RYR2: variants seen among roughly 807,000 people sequenced by gnomAD.
The protein encoded by RYR2 is cardiac muscle ryanodine receptor-calcium release channel.
Under a neutral mutation model 601.1 loss-of-function variants are expected in RYR2, and 227 were observed. That is an observed-to-expected ratio of 0.38 (90% CI 0.34 to 0.42). RYR2 has a LOEUF of 0.42. Ranked by LOEUF, RYR2 falls within the 10% of genes least tolerant of loss-of-function variation. RYR2 has a pLI of 1.00. For missense variants in RYR2, 4,646 were observed against 6,156.5 expected (o/e 0.75, Z 8.21); for synonymous variants, 2,223 against 2,175.1 (o/e 1.02, Z -0.61).
intron 28 of RYR2, 147 bp from the exon 29 acceptor site, chr1:237,568,998 A>T (rs555353166): frequency 1.8e-6 from 1 of 549,836 alleles, no homozygotes; most frequent in East Asian, 2.9e-5. Flanking sequence ...TTTGCTTAGG[A>T]CATTGCAGTA....
In RYR2 at chr1:237,833,480, A is replaced by T. The variant is rs1664050635; in HGVS notation, c.*833A>T. On this transcript the variant is annotated 3_prime_UTR_variant, in exon 105 of 105. Coordinates refer to ENST00000366574, the MANE Select transcript of RYR2 (RefSeq NM_001035.3). The stretch of plus-strand genomic sequence containing the variant: ...CTGCAAAAAATACACTTTCAAAAGA[A>T]ACCATTCATTGCATGTTTATTATGC... The T allele has an allele frequency of 6.6e-6, 1 of 152,492 alleles. No homozygotes were observed. The highest frequency in any genetic ancestry group is 1.5e-5 in the Non-Finnish European group (1 of 68,040). The allele number at this position is 152,492 out of a possible 1,614,324, so 9.4% of individuals were successfully genotyped here.
chr1:237,810,775 A>T (rs1381710708), intron 100 of RYR2, among the ~76,000 whole-genome samples: 1 of 152,106 alleles, frequency 6.6e-6, no homozygotes, highest in Non-Finnish European at 1.5e-5. Context: ...AATGAGAGAA[A>T]TTCATGTATA....
At chr1:237,650,159 CTT>C (rs958066862) in intron 50 of RYR2, 62 bp downstream of exon 50, 1 of 1,438,580 alleles carries the variant, frequency 7.0e-7, no homozygotes, top group African/African-American at 1.4e-5. Context: ...ACAATGTGGC[CTT>C]TGACAAATTA....
chr1:237,317,988 T>C (rs1695273389), intron 2 of RYR2, among the ~76,000 whole-genome samples: 1 of 152,168 alleles, frequency 6.6e-6, no homozygotes, highest in Non-Finnish European at 1.5e-5. Context: ...TGCCATGTTG[T>C]TTTTTCATAT....
intron 35 of RYR2, among the ~76,000 whole-genome samples, chr1:237,607,794 G>C (rs765031675): frequency 6.6e-6 from 1 of 152,180 alleles, no homozygotes; most frequent in African/African-American, 2.4e-5. Flanking sequence ...GCACACATTG[G>C]AGTGAATAGA....
intron 1 of RYR2, among the ~76,000 whole-genome samples, chr1:237,050,329 T>C (rs1217949166): frequency 6.6e-6 from 1 of 152,194 alleles, no homozygotes; most frequent in East Asian, 1.9e-4. Context: ...ACTCAGAGGC[T>C]GGCAGGGCCT....
At chr1:237,245,587 C>T (rs1392738354) in intron 1 of RYR2, among the ~76,000 whole-genome samples, 1 of 151,996 alleles carries the variant, frequency 6.6e-6, no homozygotes. Context: ...AAGTTGTCAA[C>T]CGTGTATCAA....
chr1:237,583,002 A>G (rs142464452), intron 29 of RYR2, among the ~76,000 whole-genome samples: 3,223 of 151,962 alleles, frequency 0.021, 58 homozygotes, highest in Middle Eastern at 0.068. Context: ...AGAAATCTCC[A>G]AACTGCTTTC....
At chr1:237,821,174 A>G (rs1342766912) in intron 101 of RYR2, among the ~76,000 whole-genome samples, 1 of 152,136 alleles carries the variant, frequency 6.6e-6, no homozygotes, top group African/African-American at 2.4e-5. Context: ...TTCGAGCTCT[A>G]ATAAGGGAAA....
intron 1 of RYR2, among the ~76,000 whole-genome samples, chr1:237,257,030 A>C (rs1688057990): frequency 6.6e-6 from 1 of 152,178 alleles, no homozygotes; most frequent in Admixed American, 6.5e-5. Context: ...CATTGACACT[A>C]TTCAGGGTGC....
intron 1 of RYR2, among the ~76,000 whole-genome samples, chr1:237,108,176 G>A (rs1036217016): frequency 1.3e-5 from 2 of 152,098 alleles, no homozygotes; most frequent in Admixed American, 6.5e-5. Flanking sequence ...TGGGCTCCTT[G>A]CCTAAGCATC....
chr1:237,590,779 A>G lies in RYR2; in HGVS notation c.3947A>G (p.Lys1316Arg). ...MPIECAEVFS[K>R]TVAGGLPGAG... is the part of the protein sequence containing the mutation. ...ATCGAGTGCGCGGAGGTCTTCTCCA[A>G]GACGGTGGCTGGAGGGCTCCCTGGG... The change falls in exon 31 of 105, where the codon AAG becomes AGG. Residue 1316 changes from lysine to arginine, a missense_variant. Physicochemically the swap from Lys to Arg is conservative, Grantham distance 26. Transcript: ENST00000366574. 7.4e-6 allele frequency: 12 copies of G among 1,613,964 alleles called. No homozygotes were observed. Among genetic ancestry groups the G allele is most frequent in the Non-Finnish European group, 9.3e-6 (11 of 1,179,868 alleles).
chr1:237,698,997 C>T lies in RYR2; in HGVS notation c.9100C>T (p.His3034Tyr). The T allele has an allele frequency of 6.4e-7, 1 of 1,555,854 alleles. No individual in the cohort carries two copies. Among genetic ancestry groups the T allele is most frequent in the Non-Finnish European group, 8.7e-7 (1 of 1,145,312 alleles). ...NDATSIVNCLHILGQTLDART... is the reference protein window; with the variant it reads ...NDATSIVNCLYILGQTLDART... ...TGCAACATCAATTGTCAACTGTCTT[C>T]ATATTTTGGGTCAGACTTTGGATGC... The change falls in exon 64 of 105, where the codon CAT becomes TAT. Residue 3034 changes from histidine (H) to tyrosine (Y), a missense_variant. By Grantham distance (83) the His-to-Tyr change is moderately conservative. Coordinates refer to ENST00000366574, the MANE Select transcript of RYR2 (RefSeq NM_001035.3).
In RYR2 at chr1:237,759,791, C is replaced by T. The variant is rs759581727; in HGVS notation, c.11341C>T (p.Leu3781Phe). 1.2e-6 allele frequency: 2 copies of T among 1,612,036 alleles called. No individual in the cohort carries two copies. The highest frequency in any genetic ancestry group is 1.7e-6 in the Non-Finnish European group (2 of 1,178,306). ...STVQQKMLDY[L>F]KEKKDVGFFQ... ...ATTCCCATAGAAAATGCTTGACTAC[C>T]TCAAGGAGAAAAAGGATGTGGGCTT... The change falls in exon 83 of 105, where the codon CTC becomes TTC. Residue 3781 changes from leucine to phenylalanine, a missense_variant. Around this residue, in one of 17 missense-constraint regions of RYR2, gnomAD observed 1,497 missense variants for 1,842.6 expected, o/e 0.81. Coordinates refer to ENST00000366574, the MANE Select transcript of RYR2 (RefSeq NM_001035.3).
At chr1:237,723,534 T>G (rs1054780199) in intron 74 of RYR2, among the ~76,000 whole-genome samples, 1 of 152,214 alleles carries the variant, frequency 6.6e-6, no homozygotes, top group African/African-American at 2.4e-5. Flanking sequence ...ATTAGGATTA[T>G]ATTTTTAAAT....
At chr1:237,710,270 C>T (rs941944278) in intron 70 of RYR2, among the ~76,000 whole-genome samples, 14 of 152,040 alleles carry the variant, frequency 9.2e-5, no homozygotes, top group African/African-American at 3.1e-4. Context: ...ATTTTTATAT[C>T]AATTATAATT....
chr1:237,422,268 A>T (rs1705675073), intron 11 of RYR2, among the ~76,000 whole-genome samples: 1 of 152,196 alleles, frequency 6.6e-6, no homozygotes, highest in Non-Finnish European at 1.5e-5. Flanking sequence ...AATCGTACAT[A>T]CTTATGGGGT....
chr1:237,784,524 T>G lies in RYR2; in HGVS notation c.12812T>G (p.Val4271Gly), dbSNP rs1228017878. 1 of 1,613,712 alleles carries G rather than the reference T, an allele frequency of 6.2e-7. No individual in the cohort carries two copies. The highest frequency in any genetic ancestry group is 8.5e-7 in the Non-Finnish European group (1 of 1,179,780). The change falls in exon 90 of 105, where the codon GTA becomes GGA. Residue 4271 changes from valine (V) to glycine (G), a missense_variant. Around this residue, in one of 17 missense-constraint regions of RYR2, gnomAD observed 364 missense variants for 442.9 expected, o/e 0.82. Transcript: ENST00000366574. The surrounding 1 kb of genome is among the most constrained non-coding windows in gnomAD (Gnocchi z 7.1). The stretch of plus-strand genomic sequence containing the variant: ...AGCCTGAAGAAGCAGATGAAAAAAG[T>G]AAAAAAGATGACCGTGAAGGACATG... ...LKSLKKQMKK[V>G]KKMTVKDMVT...
At chr1:237,412,482 A>G (rs746168741) in intron 10 of RYR2, among the ~76,000 whole-genome samples, 13 of 152,216 alleles carry the variant, frequency 8.5e-5, no homozygotes, top group Non-Finnish European at 1.8e-4. Flanking sequence ...TAACATTCCT[A>G]TTCAGTGAAA....
Sources: gnomAD v4.1 joint callset for allele counts (sites outside exome capture counted in the v4.1 genomes callset) on GRCh38, gnomAD v4.1.1 for gene constraint, gnomAD v4.1.1 regional missense constraint, Gnocchi (gnomAD v3.1) non-coding constraint, MANE v1.5 for transcripts, NCBI Gene and HGNC (gene_info 2026-07-23, HGNC 2026-07-21) for gene names.